CSNK2A2IP: variants seen among roughly 807,000 people sequenced by gnomAD.
The protein encoded by CSNK2A2IP is casein kinase II subunit alpha'-interacting protein.
chr3:88,419,071 T>C, the CSNK2A2IP span, among the ~76,000 whole-genome samples: 2 of 152,096 alleles, frequency 1.3e-5, no homozygotes, highest in Non-Finnish European at 2.9e-5. Context: ...CACCCCCAGA[T>C]GGGACTGTCT....
At chr3:88,378,058 C>T in the CSNK2A2IP span, among the ~76,000 whole-genome samples, 1 of 151,842 alleles carries the variant, frequency 6.6e-6, no homozygotes, top group South Asian at 2.1e-4. Flanking sequence ...AATCATATTG[C>T]ATACCATATT....
At chr3:88,466,019 A>G in the CSNK2A2IP span, 1 of 1,231,724 alleles carries the variant, frequency 8.1e-7, no homozygotes, top group East Asian at 3.2e-5. Flanking sequence ...TCCAAACCTC[A>G]GAAAACATCC....
At chr3:88,466,269 A>G in the CSNK2A2IP span, 1 of 1,231,746 alleles carries the variant, frequency 8.1e-7, no homozygotes, top group Non-Finnish European at 1.0e-6. Context: ...GGCAATCAGC[A>G]TCATCATATT....
chr3:88,417,102 A>AT, the CSNK2A2IP span, among the ~76,000 whole-genome samples: 3 of 113,704 alleles, frequency 2.6e-5, no homozygotes, highest in East Asian at 6.5e-4. Flanking sequence ...AGATAACATG[A>AT]ATTTTTTTTT....
At chr3:88,407,385 T>G in the CSNK2A2IP span, among the ~76,000 whole-genome samples, 1 of 152,090 alleles carries the variant, frequency 6.6e-6, no homozygotes, top group African/African-American at 2.4e-5. Flanking sequence ...TGAATATGTT[T>G]TTATGTTTTT....
the CSNK2A2IP span, among the ~76,000 whole-genome samples, chr3:88,445,299 A>AAAAAAAAAAAAAAAAAAAAAC: frequency 6.7e-6 from 1 of 149,158 alleles, no homozygotes; most frequent in Admixed American, 6.8e-5. Context: ...AAAAAAAAAA[A>AAAAAAAAAAAAAAAAAAAAAC]ATTAGCCAGG....
the CSNK2A2IP span, among the ~76,000 whole-genome samples, chr3:88,445,581 C>T: frequency 6.6e-6 from 1 of 152,030 alleles, no homozygotes; most frequent in African/African-American, 2.4e-5. Flanking sequence ...CTTTTACAGA[C>T]AGAGTCTCAC....
At chr3:88,381,414 T>G in the CSNK2A2IP span, among the ~76,000 whole-genome samples, 1 of 152,212 alleles carries the variant, frequency 6.6e-6, no homozygotes, top group Non-Finnish European at 1.5e-5. Flanking sequence ...TAAAATTTCC[T>G]GTAGGAACGG....
the CSNK2A2IP span, chr3:88,466,594 A>C: frequency 1.1e-5 from 14 of 1,231,508 alleles, no homozygotes; most frequent in Non-Finnish European, 1.4e-5. Context: ...AATTCCTTGG[A>C]CTTTAAAGTA....
the CSNK2A2IP span, among the ~76,000 whole-genome samples, chr3:88,455,317 A>G: frequency 1.3e-5 from 2 of 151,852 alleles, no homozygotes; most frequent in African/African-American, 2.4e-5. Flanking sequence ...TGGCTGTACC[A>G]ATTTATATAC....
chr3:88,445,091 T>A, the CSNK2A2IP span, among the ~76,000 whole-genome samples: 1 of 151,954 alleles, frequency 6.6e-6, no homozygotes, highest in Admixed American at 6.6e-5. Context: ...GCTGTTAAAT[T>A]GTGACTTCAT....
At chr3:88,377,998 A>G in the CSNK2A2IP span, among the ~76,000 whole-genome samples, 3 of 151,904 alleles carry the variant, frequency 2.0e-5, no homozygotes, top group Non-Finnish European at 4.4e-5. Context: ...ATACCTCAAA[A>G]CTACATATAT....
At chr3:88,370,578 T>TTCTC in the CSNK2A2IP span, among the ~76,000 whole-genome samples, 1 of 139,230 alleles carries the variant, frequency 7.2e-6, no homozygotes. Flanking sequence ...CTTCCTTTCT[T>TTCTC]TCTCTCTCTC....
At chr3:88,367,744 C>CAG in the CSNK2A2IP span, among the ~76,000 whole-genome samples, 3 of 152,020 alleles carry the variant, frequency 2.0e-5, no homozygotes, top group African/African-American at 7.2e-5. Flanking sequence ...GAACAGAACT[C>CAG]CTGTGTTATC....
chr3:88,358,347 C>T, the CSNK2A2IP span, among the ~76,000 whole-genome samples: 10 of 152,176 alleles, frequency 6.6e-5, no homozygotes, highest in East Asian at 3.9e-4. Flanking sequence ...CTAATTACTT[C>T]GGCTAAGACT....
the CSNK2A2IP span, among the ~76,000 whole-genome samples, chr3:88,408,645 G>A: frequency 6.6e-6 from 1 of 151,922 alleles, no homozygotes; most frequent in East Asian, 1.9e-4. Flanking sequence ...ATATAGCGTG[G>A]AGCAGTATAA....
chr3:88,457,751 A>AAAATCAAATC, the CSNK2A2IP span, among the ~76,000 whole-genome samples: 47 of 148,322 alleles, frequency 3.2e-4, 1 homozygote, highest in Middle Eastern at 6.9e-3. Flanking sequence ...AAAATAAAAT[A>AAAATCAAATC]AAATCTAGTA....
At chr3:88,429,611 A>T in the CSNK2A2IP span, among the ~76,000 whole-genome samples, 1 of 152,286 alleles carries the variant, frequency 6.6e-6, no homozygotes, top group East Asian at 1.9e-4. Flanking sequence ...ACCTTTCATT[A>T]TCAGATGGGC....
chr3:88,446,030 T>TTTTCTTTCTTTCTTTC, the CSNK2A2IP span, among the ~76,000 whole-genome samples: 4 of 58,184 alleles, frequency 6.9e-5, no homozygotes, highest in African/African-American at 2.1e-4. Flanking sequence ...TCTTTGTTTC[T>TTTTCTTTCTTTCTTTC]TTTCTTTCTT....
Sources: gnomAD v4.1 joint callset for allele counts (sites outside exome capture counted in the v4.1 genomes callset) on GRCh38, gnomAD v4.1.1 for gene constraint, MANE v1.5 for transcripts, NCBI Gene and HGNC (gene_info 2026-07-23, HGNC 2026-07-21) for gene names.